The following LRFN5 variants were observed in gnomAD, a reference collection of about 807,000 sequenced individuals.
LRFN5 encodes leucine-rich repeat and fibronectin type-III domain-containing protein 5.
In LRFN5, 24 loss-of-function variants were observed where a neutral mutation model predicts 45.6. The ratio of observed to expected loss-of-function variants is 0.53; its 90% CI spans 0.38 to 0.74. The LOEUF (loss-of-function observed/expected upper bound fraction) is 0.74, where lower values mean the gene tolerates loss of function less well. LRFN5 is among the 30% of genes least tolerant of loss of function. The probability of loss-of-function intolerance (pLI) is 0.00; values close to 1 mark genes in which losing one functional copy is unlikely to be tolerated. For missense variants in LRFN5, 776 were observed against 861.5 expected (o/e 0.90, Z 1.24); for synonymous variants, 340 against 313.8 (o/e 1.08, Z -0.88).
intron 1 of LRFN5, among the ~76,000 whole-genome samples, chr14:41,643,490 T>C (rs531003713): frequency 1.3e-5 from 2 of 152,170 alleles, no homozygotes; most frequent in South Asian, 2.1e-4. Context: ...ACACAAACCA[T>C]GTGTGTTAGC....
chr14:41,887,317 C>A lies in LRFN5; in HGVS notation c.692C>A (p.Ser231Tyr). The A allele has an allele frequency of 1.2e-6, 2 of 1,614,206 alleles. No homozygotes were observed. The highest frequency in any genetic ancestry group is 1.7e-6 in the Non-Finnish European group (2 of 1,180,036). Residue 231 changes from serine (S) to tyrosine (Y), a missense_variant, in exon 3 of 6, where the codon TCT becomes TAT. Physicochemically the swap from Ser to Tyr is moderately radical, Grantham distance 144 (BLOSUM62 -2). This residue lies in a region of LRFN5 where 311 missense variants were observed against 405.1 expected (regional missense o/e 0.77). Coordinates refer to ENST00000298119, the MANE Select transcript of LRFN5 (RefSeq NM_152447.5). The surrounding 1 kb of genome is among the most constrained non-coding windows in gnomAD (Gnocchi z 4.8). ...VLATSGIISP[S>Y]TFALSFGGNP... ...GCAACCTCAGGAATCATAAGCCCAT[C>A]TACTTTTGCATTAAGTTTTGGTGGA...
intron 1 of LRFN5, among the ~76,000 whole-genome samples, chr14:41,761,583 C>A (rs986325050): frequency 6.6e-6 from 1 of 152,014 alleles, no homozygotes; most frequent in African/African-American, 2.4e-5. Flanking sequence ...GTAGGCCTGA[C>A]ATTTACATTG....
intron 1 of LRFN5, among the ~76,000 whole-genome samples, chr14:41,645,714 C>T (rs1218392414): frequency 6.6e-6 from 1 of 152,232 alleles, no homozygotes; most frequent in African/African-American, 2.4e-5. Flanking sequence ...TACTATTCTC[C>T]TCTGGGGACT....
At chr14:41,781,334 C>T (rs1006636482) in intron 2 of LRFN5, among the ~76,000 whole-genome samples, 4 of 151,814 alleles carry the variant, frequency 2.6e-5, no homozygotes, top group Non-Finnish European at 4.4e-5. Flanking sequence ...CCAGCCTGGG[C>T]AATGTAGTGA....
At chr14:41,609,003 A>G (rs1024159015) in intron 1 of LRFN5, among the ~76,000 whole-genome samples, 4 of 152,188 alleles carry the variant, frequency 2.6e-5, no homozygotes, top group African/African-American at 9.7e-5. Flanking sequence ...CTCTGGTGCC[A>G]GGTTGTTTTC....
intron 1 of LRFN5, among the ~76,000 whole-genome samples, chr14:41,756,893 T>A (rs1386586009): frequency 2.0e-5 from 3 of 152,200 alleles, no homozygotes; most frequent in Non-Finnish European, 4.4e-5. Context: ...TGGTTTTATC[T>A]ACCTTTGGTC....
chr14:41,660,990 C>A (rs1018658060), intron 1 of LRFN5, among the ~76,000 whole-genome samples: 1 of 150,226 alleles, frequency 6.7e-6, no homozygotes, highest in East Asian at 2.0e-4. Context: ...ATTTTTGCAC[C>A]CTTGCATGAT....
At chr14:41,670,324 C>A in intron 1 of LRFN5, among the ~76,000 whole-genome samples, 1 of 119,166 alleles carries the variant, frequency 8.4e-6, no homozygotes, top group African/African-American at 3.2e-5. Context: ...CAGAAAGAAC[C>A]CCTGGAAGGA....
chr14:41,754,750 G>T (rs1280351073), intron 1 of LRFN5, among the ~76,000 whole-genome samples: 3 of 151,934 alleles, frequency 2.0e-5, no homozygotes, highest in Non-Finnish European at 4.4e-5. Flanking sequence ...AGCGTTTTTT[G>T]TGTCTCTGTT....
At chr14:41,832,466 T>A (rs947627864) in intron 2 of LRFN5, among the ~76,000 whole-genome samples, 1 of 152,162 alleles carries the variant, frequency 6.6e-6, no homozygotes, top group African/African-American at 2.4e-5. Flanking sequence ...GTTGTGCCCC[T>A]AAGTGGAAAT....
chr14:41,877,537 T>G (rs1328774897), intron 2 of LRFN5, among the ~76,000 whole-genome samples: 1 of 152,000 alleles, frequency 6.6e-6, no homozygotes, highest in African/African-American at 2.4e-5. Context: ...TTAAAATTAT[T>G]TGTTTTGTGT....
At chr14:41,821,692 T>G (rs987591612) in intron 2 of LRFN5, among the ~76,000 whole-genome samples, 1 of 151,634 alleles carries the variant, frequency 6.6e-6, no homozygotes, top group Non-Finnish European at 1.5e-5. Flanking sequence ...TTGAAACAGT[T>G]TCAGTAGGAT....
chr14:41,673,423 G>C (rs892415476), intron 1 of LRFN5, among the ~76,000 whole-genome samples: 5 of 146,482 alleles, frequency 3.4e-5, no homozygotes, highest in South Asian at 2.2e-4. Flanking sequence ...CTGCCGGACC[G>C]GGCGGCTGGC....
In LRFN5 at chr14:41,844,190, C is replaced by G. The variant is rs570545424; in HGVS notation, c.-20-42416C>G. Among the ~76,000 whole-genome samples, 4 of 152,290 alleles carry G rather than the reference C, an allele frequency of 2.6e-5. No individual in the cohort carries two copies. The East Asian group carries it at 7.7e-4, about 29-fold the overall frequency. ...CAGTGGCTCACGCCTGTAATCCTAA[C>G]ACTTTGGGAGGCCAAGGTGGGCGGA... On this transcript the variant is annotated intron_variant, in intron 2 of 5. Coordinates refer to ENST00000298119, the MANE Select transcript of LRFN5 (RefSeq NM_152447.5).
chr14:41,885,815 G>A (rs933385132), intron 2 of LRFN5, among the ~76,000 whole-genome samples: 3 of 151,778 alleles, frequency 2.0e-5, no homozygotes, highest in African/African-American at 4.8e-5. Context: ...TCAGGAGTTC[G>A]AAACCAGCCA....
chr14:41,672,112 T>C (rs1472871919), intron 1 of LRFN5, among the ~76,000 whole-genome samples: 1 of 152,212 alleles, frequency 6.6e-6, no homozygotes, highest in East Asian at 1.9e-4. Flanking sequence ...TAGCTTCCTC[T>C]TTCTGTTTAT....
chr14:41,804,585 G>T (rs905682912), intron 2 of LRFN5, among the ~76,000 whole-genome samples: 1 of 152,038 alleles, frequency 6.6e-6, no homozygotes, highest in Non-Finnish European at 1.5e-5. Context: ...TACAAAGGTG[G>T]TTCAGTTTTG....
At chr14:41,677,484 G>C (rs1465676647) in intron 1 of LRFN5, among the ~76,000 whole-genome samples, 1 of 151,832 alleles carries the variant, frequency 6.6e-6, no homozygotes, top group African/African-American at 2.4e-5. Context: ...GAAAAAACAC[G>C]CTTTAAAAAA....
At chr14:41,657,813 A>T (rs1222751773) in intron 1 of LRFN5, among the ~76,000 whole-genome samples, 1 of 151,970 alleles carries the variant, frequency 6.6e-6, no homozygotes, top group African/African-American at 2.4e-5. Flanking sequence ...ATTGTTGGTG[A>T]ACCTTAAATA....
Sources: allele counts gnomAD v4.1 joint callset (sites outside exome capture counted in the v4.1 genomes callset), GRCh38; gene constraint gnomAD v4.1.1; regional missense constraint gnomAD v4.1.1; non-coding constraint Gnocchi (gnomAD v3.1); transcripts MANE v1.5; gene names NCBI Gene and HGNC (gene_info 2026-07-23, HGNC 2026-07-21).